The following TMEM178A variants were observed in gnomAD, a reference collection of about 807,000 sequenced individuals.
TMEM178A encodes transmembrane protein 178.
A neutral mutation model predicts 29.1 loss-of-function variants in TMEM178A; 12 were observed. The observed-to-expected ratio is 0.41, with a 90% CI of 0.26 to 0.67. TMEM178A has a LOEUF of 0.67. Ranked by LOEUF, TMEM178A falls within the 30% of genes least tolerant of loss-of-function variation. The probability of loss-of-function intolerance (pLI) is 0.29; values close to 1 mark genes in which losing one functional copy is unlikely to be tolerated. For synonymous variants in TMEM178A, 210 were observed against 187.2 expected, an observed-to-expected ratio of 1.12 and a Z score of -0.99; for missense variants, 366 against 419.1, an observed-to-expected ratio of 0.87 and a Z score of 1.11.
At chr2:39,696,903 C>T (rs1373776241) in intron 1 of TMEM178A, among the ~76,000 whole-genome samples, 14 of 152,158 alleles carry the variant, frequency 9.2e-5, no homozygotes, top group Non-Finnish European at 2.9e-5. Context: ...ATATAAACCA[C>T]AACTTGTTCT....
the TMEM178A span, among the ~76,000 whole-genome samples, chr2:39,728,778 C>G: frequency 6.6e-6 from 1 of 152,056 alleles, no homozygotes; most frequent in East Asian, 1.9e-4. Context: ...CACCCCTACA[C>G]GTTTTTTCTT....
chr2:39,704,520 G>C (rs1380337023), intron 2 of TMEM178A, among the ~76,000 whole-genome samples: 1 of 152,150 alleles, frequency 6.6e-6, no homozygotes, highest in Non-Finnish European at 1.5e-5. Flanking sequence ...GTAAACCAAG[G>C]AGATTATACC....
chr2:39,675,346 C>T lies in TMEM178A; in HGVS notation c.400+8972C>T, dbSNP rs146430263. On this transcript the variant is annotated intron_variant, in intron 1 of 3. Coordinates refer to ENST00000281961, the MANE Select transcript of TMEM178A (RefSeq NM_152390.3). Reference sequence around the variant, plus strand: ...ATAAATAACTCATTACCTACCAGTCCTCTGAACAGGTCCCAACACATCTGA... The same window carrying T: ...ATAAATAACTCATTACCTACCAGTCTTCTGAACAGGTCCCAACACATCTGA... Among the ~76,000 whole-genome samples, 359 of 152,154 alleles carry T rather than the reference C, an allele frequency of 2.4e-3. 4 individuals carry two copies. The highest frequency in any genetic ancestry group is 8.1e-3 in the African/African-American group (338 of 41,492).
At chr2:39,733,938 A>T in the TMEM178A span, among the ~76,000 whole-genome samples, 5 of 152,128 alleles carry the variant, frequency 3.3e-5, no homozygotes, top group Admixed American at 3.3e-4. Flanking sequence ...TCGCTCTAGC[A>T]CTTAGCCCTT....
intron 3 of TMEM178A, 118 bp downstream of exon 3, chr2:39,707,304 A>G: frequency 7.9e-7 from 1 of 1,272,770 alleles, no homozygotes; most frequent in East Asian, 2.6e-5. Flanking sequence ...TAGAAAAGCA[A>G]CCAGAAGGTC....
At chr2:39,682,829 A>G (rs1670923999) in intron 1 of TMEM178A, among the ~76,000 whole-genome samples, 1 of 152,246 alleles carries the variant, frequency 6.6e-6, no homozygotes, top group Non-Finnish European at 1.5e-5. Flanking sequence ...GCTCAGAAAT[A>G]TAAATGGGTC....
At chr2:39,697,249 A>C in intron 1 of TMEM178A, among the ~76,000 whole-genome samples, 1 of 152,204 alleles carries the variant, frequency 6.6e-6, no homozygotes, top group Admixed American at 6.5e-5. Context: ...CTTTCCCTGT[A>C]AGATTTTTGT....
chr2:39,666,113 C>G lies in TMEM178A; in HGVS notation c.139C>G (p.Arg47Gly). 6.4e-7 allele frequency: 1 copy of G among 1,556,036 alleles called. No individual in the cohort carries two copies. Among genetic ancestry groups the G allele is most frequent in the Non-Finnish European group, 8.6e-7 (1 of 1,156,252 alleles). ...CCACAAGGAGAGCTGCGAGCGCAGC[C>G]GCGCGGGCGCCGACCCCCCGGACCA... is the stretch of plus-strand genomic sequence containing the variant. Reference protein sequence around the residue: ...RRHKESCERSRAGADPPDQKN... With the variant: ...RRHKESCERSGAGADPPDQKN... Residue 47 changes from arginine to glycine, a missense_variant, in exon 1 of 4, where the codon CGC becomes GGC. Around this residue, in one of 2 missense-constraint regions of TMEM178A, gnomAD observed 247 missense variants for 246.8 expected, o/e 1.00. Coordinates refer to ENST00000281961, the MANE Select transcript of TMEM178A (RefSeq NM_152390.3).
chr2:39,719,077 G>C (rs1005603145), downstream of TMEM178A, among the ~76,000 whole-genome samples: 4 of 152,178 alleles, frequency 2.6e-5, no homozygotes, highest in African/African-American at 9.7e-5. Flanking sequence ...CACCAGCTTT[G>C]GCTCCGTGGC....
chr2:39,695,193 T>C (rs1671484678), intron 1 of TMEM178A, among the ~76,000 whole-genome samples: 1 of 152,154 alleles, frequency 6.6e-6, no homozygotes, highest in Non-Finnish European at 1.5e-5. Context: ...AATAATTCTT[T>C]ATTTTTCTGC....
intron 1 of TMEM178A, among the ~76,000 whole-genome samples, chr2:39,686,969 G>GCA (rs1558450165): frequency 9.9e-5 from 2 of 20,300 alleles, no homozygotes; most frequent in Non-Finnish European, 1.6e-4. Flanking sequence ...ATGCATGTGT[G>GCA]TGTGTGTGTG....
chr2:39,684,536 T>G (rs1484729024), intron 1 of TMEM178A, among the ~76,000 whole-genome samples: 1 of 152,234 alleles, frequency 6.6e-6, no homozygotes, highest in Non-Finnish European at 1.5e-5. Flanking sequence ...CTGCAAAGTA[T>G]TTTAATGTGT....
chr2:39,719,835 T>C (rs1374704396), downstream of TMEM178A, among the ~76,000 whole-genome samples: 1 of 152,114 alleles, frequency 6.6e-6, no homozygotes, highest in Non-Finnish European at 1.5e-5. Flanking sequence ...CCCTCGATAA[T>C]CGAGATTTCC....
At chr2:39,680,118 T>A (rs1404690729) in intron 1 of TMEM178A, among the ~76,000 whole-genome samples, 1 of 152,222 alleles carries the variant, frequency 6.6e-6, no homozygotes, top group Non-Finnish European at 1.5e-5. Flanking sequence ...TGCTCTTAAC[T>A]AGCTATGTGA....
intron 1 of TMEM178A, among the ~76,000 whole-genome samples, chr2:39,684,982 T>A (rs1462961421): frequency 6.6e-6 from 1 of 152,238 alleles, no homozygotes; most frequent in Admixed American, 6.5e-5. Flanking sequence ...AGTTTTGTAT[T>A]GGCCTGTTTA....
chr2:39,673,558 A>G (rs1430885679), intron 1 of TMEM178A, among the ~76,000 whole-genome samples: 2 of 152,224 alleles, frequency 1.3e-5, no homozygotes, highest in African/African-American at 4.8e-5. Flanking sequence ...GTGATTTGAC[A>G]TTCTATAGCT....
intron 1 of TMEM178A, among the ~76,000 whole-genome samples, chr2:39,676,030 C>G (rs1670609077): frequency 6.6e-6 from 1 of 152,194 alleles, no homozygotes; most frequent in Admixed American, 6.5e-5. Context: ...AAGCGATCCT[C>G]CCACCTTGGC....
At chr2:39,692,075 T>G (rs1202048599) in intron 1 of TMEM178A, among the ~76,000 whole-genome samples, 2 of 152,142 alleles carry the variant, frequency 1.3e-5, no homozygotes, top group Non-Finnish European at 2.9e-5. Context: ...AGACAAATAC[T>G]GCATGATCTC....
chr2:39,701,599 G>T (rs573500597), intron 1 of TMEM178A, among the ~76,000 whole-genome samples: 100 of 152,072 alleles, frequency 6.6e-4, no homozygotes, highest in Non-Finnish European at 1.2e-3. Flanking sequence ...ATCAAATTTG[G>T]GAAGTTTTGG....
Sources: allele counts gnomAD v4.1 joint callset (sites outside exome capture counted in the v4.1 genomes callset), GRCh38; gene constraint gnomAD v4.1.1; regional missense constraint gnomAD v4.1.1; transcripts MANE v1.5; gene names NCBI Gene and HGNC (gene_info 2026-07-23, HGNC 2026-07-21).